The following ARMH4 variants were observed in gnomAD, a reference collection of about 807,000 sequenced individuals.
ARMH4 encodes the protein armadillo-like helical domain-containing protein 4.
In ARMH4, 49 loss-of-function variants were observed where a neutral mutation model predicts 61.9. The observed-to-expected ratio is 0.79, with a 90% confidence interval of 0.63 to 1.00. The LOEUF is 1.00. Among genes scored for constraint, ARMH4 ranks in the 50% least tolerant of loss-of-function variants. ARMH4 has a pLI of 0.00. For missense variants in ARMH4, 934 were observed against 930.0 expected (o/e 1.00, Z -0.06); for synonymous variants, 368 against 341.5 (o/e 1.08, Z -0.85).
At chr14:58,009,828 AGAG>A (rs200705877) in intron 6 of ARMH4, among the ~76,000 whole-genome samples, 12,773 of 105,782 alleles carry the variant, frequency 0.12, 1,116 homozygotes, top group East Asian at 0.32. Context: ...AAAAAAAAAA[AGAG>A]AGAGAGAGAG....
chr14:58,115,161 C>G (rs1430994913), intron 4 of ARMH4, among the ~76,000 whole-genome samples: 3 of 152,044 alleles, frequency 2.0e-5, no homozygotes, highest in Non-Finnish European at 4.4e-5. Flanking sequence ...AGACAACCAA[C>G]AGAATGGGAG....
chr14:58,141,418 G>A, intron 1 of ARMH4: 1 of 537,466 alleles, frequency 1.9e-6, no homozygotes, highest in Non-Finnish European at 3.7e-6. Flanking sequence ...GATATTTGCT[G>A]GGAAACGGCT....
chr14:58,041,517 T>C (rs1330546581), intron 5 of ARMH4, among the ~76,000 whole-genome samples: 6 of 152,132 alleles, frequency 3.9e-5, no homozygotes, highest in African/African-American at 9.7e-5. Context: ...CCATCGATGC[T>C]AGGAAGAAAC....
chr14:58,011,782 ACAG>A (rs1882418486), intron 6 of ARMH4, among the ~76,000 whole-genome samples: 1 of 146,514 alleles, frequency 6.8e-6, no homozygotes. Flanking sequence ...AAAAAAAAAA[ACAG>A]ATGGAATGAG....
chr14:58,066,209 G>A (rs936100078), intron 5 of ARMH4, among the ~76,000 whole-genome samples: 2 of 152,166 alleles, frequency 1.3e-5, no homozygotes, highest in African/African-American at 2.4e-5. Context: ...GTGTTTAGTG[G>A]TCAATCCTGG....
At chr14:58,026,707 C>T (rs1204700653) in intron 5 of ARMH4, among the ~76,000 whole-genome samples, 1 of 152,112 alleles carries the variant, frequency 6.6e-6, no homozygotes, top group South Asian at 2.1e-4. Context: ...ATCAGCTCTA[C>T]CCTCAGTCCC....
Position 58,133,209 on chromosome 14 carries a change from G to A in ARMH4, c.1502C>T (p.Pro501Leu), listed in dbSNP as rs777748590. Residue 501 changes from proline (P) to leucine (L), a missense_variant, in exon 3 of 8, where the codon CCC (proline) becomes CTC (leucine). Transcript: ENST00000267485. ...SGKTEEEKED[P>L]SPVSDVPGVT... Reference sequence around the variant, plus strand: ...ACCAGGAACGTCAGACACAGGAGAGGGGTCCTCCTTTTCTTCCTCAGTCTT... The same window carrying A: ...ACCAGGAACGTCAGACACAGGAGAGAGGTCCTCCTTTTCTTCCTCAGTCTT... 3.1e-6 allele frequency: 5 copies of A among 1,613,982 alleles called. No homozygotes were observed. The highest frequency in any genetic ancestry group is 4.2e-6 in the Non-Finnish European group (5 of 1,180,038).
intron 6 of ARMH4, 22 bp from the exon 7 acceptor site, chr14:58,005,204 C>T: frequency 6.2e-7 from 1 of 1,613,710 alleles, no homozygotes; most frequent in African/African-American, 1.3e-5. Context: ...AGGAAACACA[C>T]ATTAGGATGC....
At chr14:58,045,123 A>G (rs1382468889) in intron 5 of ARMH4, among the ~76,000 whole-genome samples, 1 of 152,252 alleles carries the variant, frequency 6.6e-6, no homozygotes, top group Non-Finnish European at 1.5e-5. Flanking sequence ...TATATACCCA[A>G]AGGATTATAA....
At chr14:58,117,787 C>T (rs1886580010) in intron 4 of ARMH4, among the ~76,000 whole-genome samples, 1 of 151,812 alleles carries the variant, frequency 6.6e-6, no homozygotes, top group Non-Finnish European at 1.5e-5. Context: ...GAGACTAGGT[C>T]TCACCCTGTC....
chr14:58,132,037 G>T (rs1245999737), intron 3 of ARMH4, among the ~76,000 whole-genome samples: 1 of 152,104 alleles, frequency 6.6e-6, no homozygotes, highest in Non-Finnish European at 1.5e-5. Context: ...ATTGCCAAAG[G>T]TAAAATAATT....
intron 6 of ARMH4, among the ~76,000 whole-genome samples, chr14:58,007,240 C>T (rs12889802): frequency 0.21 from 32,013 of 152,176 alleles, 4,228 homozygotes; most frequent in East Asian, 0.56. Flanking sequence ...TGTAACTTAA[C>T]CCCATACCAA....
In ARMH4 at chr14:58,054,695, C is replaced by T. The variant is rs564610275; in HGVS notation, c.2089+42029G>A. On this transcript the variant is annotated intron_variant, in intron 5 of 7. Coordinates refer to ENST00000267485, the MANE Select transcript of ARMH4 (RefSeq NM_001001872.4). ...GGCAGATTACCTGAAGTCAGGAGTT[C>T]GAGACCAGCCTGGCCAACATGGTGA... 2.6e-5 allele frequency among the ~76,000 whole-genome samples: 4 copies of T among 151,970 alleles called. No individual in the cohort carries two copies. In the South Asian group the frequency reaches 8.3e-4, roughly 32 times the overall value.
intron 5 of ARMH4, among the ~76,000 whole-genome samples, chr14:58,014,386 TC>T (rs1882523479): frequency 6.6e-6 from 1 of 152,106 alleles, no homozygotes; most frequent in Admixed American, 6.5e-5. Flanking sequence ...TAGGAGTGGT[TC>T]CGTGGAGAAG....
At position 58,003,894 on chromosome 14, in the gene ARMH4, A is replaced by G. The variant is rs559031015; in HGVS notation, c.*842T>C. The G allele has an allele frequency of 4.6e-5, 7 of 152,334 alleles. No homozygotes were observed. The East Asian group carries it at 1.4e-3, about 29-fold the overall frequency. 9.4% of individuals were successfully genotyped at this position (152,334 alleles called of 1,614,324 possible). A position where few individuals can be genotyped will look rare whatever the true frequency, so the allele number is the denominator to read the frequency against. Reference sequence around the variant, plus strand: ...CCAAATGGCAGACAGAAATGCTCTGAGAGCTTACCTACCCTCATCTCATTC... The same window carrying G: ...CCAAATGGCAGACAGAAATGCTCTGGGAGCTTACCTACCCTCATCTCATTC... On this transcript the variant is annotated 3_prime_UTR_variant, in exon 8 of 8. Transcript: ENST00000267485.
intron 5 of ARMH4, among the ~76,000 whole-genome samples, chr14:58,080,838 A>T (rs1594745301): frequency 6.6e-6 from 1 of 152,166 alleles, no homozygotes; most frequent in East Asian, 1.9e-4. Context: ...ATAGTGGCTC[A>T]CACCTGTAAT....
intron 5 of ARMH4, among the ~76,000 whole-genome samples, chr14:58,060,149 T>C (rs187357590): frequency 2.7e-3 from 404 of 152,358 alleles, no homozygotes; most frequent in African/African-American, 9.1e-3. Flanking sequence ...ATGATCACAA[T>C]TGTCTTTACT....
intron 5 of ARMH4, among the ~76,000 whole-genome samples, chr14:58,043,359 G>C (rs1409632749): frequency 1.3e-5 from 2 of 152,036 alleles, no homozygotes; most frequent in East Asian, 3.9e-4. Flanking sequence ...AAAACCACAT[G>C]ATTATCTCAA....
intron 4 of ARMH4, among the ~76,000 whole-genome samples, chr14:58,106,708 C>T (rs749534219): frequency 3.3e-5 from 5 of 152,098 alleles, no homozygotes; most frequent in East Asian, 1.9e-4. Context: ...GAGACTCAAA[C>T]GGCTTTTCAG....
Sources: gnomAD v4.1 joint callset for allele counts (sites outside exome capture counted in the v4.1 genomes callset) on GRCh38, gnomAD v4.1.1 for gene constraint, MANE v1.5 for transcripts, NCBI Gene and HGNC (gene_info 2026-07-23, HGNC 2026-07-21) for gene names.